ANK2: variants seen among roughly 807,000 people sequenced by gnomAD.
ANK2 encodes the protein ankyrin 2.
A neutral mutation model predicts 360.5 loss-of-function variants in ANK2; 83 were observed. The ratio of observed to expected loss-of-function variants is 0.23; its 90% CI spans 0.19 to 0.28. The LOEUF is 0.28. ANK2 is among the 10% of genes least tolerant of loss of function. The pLI is 1.00. For missense variants in ANK2, 4,201 were observed against 4,795.7 expected, an observed-to-expected ratio of 0.88 and a Z score of 3.66; for synonymous variants, 1,740 against 1,759.5, an observed-to-expected ratio of 0.99 and a Z score of 0.28.
chr4:113,258,268 C>T, intron 12 of ANK2, 45 bp from the exon 13 acceptor site: 1 of 1,599,928 alleles, frequency 6.3e-7, no homozygotes, highest in Non-Finnish European at 8.6e-7. Flanking sequence ...GCCCCAAAGC[C>T]CCACCGGTGC....
chr4:112,737,871 C>T, the ANK2 span, among the ~76,000 whole-genome samples: 1 of 152,120 alleles, frequency 6.6e-6, no homozygotes, highest in Non-Finnish European at 1.5e-5. Flanking sequence ...CACAGGACAA[C>T]TTTAGCTGTA....
At chr4:113,089,948 TA>T (rs2086950267) in intron 1 of ANK2, among the ~76,000 whole-genome samples, 7 of 152,356 alleles carry the variant, frequency 4.6e-5, no homozygotes. Flanking sequence ...TGAAACGTAA[TA>T]ATATGTGGTA....
chr4:112,958,358 G>A (rs1363444866), intron 2 of ANK2, among the ~76,000 whole-genome samples: 1 of 152,216 alleles, frequency 6.6e-6, no homozygotes, highest in African/African-American at 2.4e-5. Context: ...TCGGGAGGCC[G>A]AGGCTGGCGG....
At chr4:112,896,722 G>A (rs955845708) in intron 1 of ANK2, among the ~76,000 whole-genome samples, 1 of 152,148 alleles carries the variant, frequency 6.6e-6, no homozygotes, top group African/African-American at 2.4e-5. Context: ...TAAATGCCAG[G>A]CTCAAACTGC....
intron 2 of ANK2, among the ~76,000 whole-genome samples, chr4:113,177,134 C>A (rs556895239): frequency 6.6e-6 from 1 of 152,134 alleles, no homozygotes; most frequent in South Asian, 2.1e-4. Flanking sequence ...GGCTGGAGTG[C>A]GGTGGCGTGA....
chr4:112,997,390 A>G (rs957126735), intron 2 of ANK2, among the ~76,000 whole-genome samples: 13 of 152,082 alleles, frequency 8.5e-5, no homozygotes, highest in Non-Finnish European at 1.8e-4. Context: ...GATCCCTCTT[A>G]TTTATATTCC....
intron 1 of ANK2, among the ~76,000 whole-genome samples, chr4:112,892,570 C>G (rs1198203707): frequency 6.6e-6 from 1 of 152,212 alleles, no homozygotes; most frequent in Non-Finnish European, 1.5e-5. Flanking sequence ...TGTTTGAAAG[C>G]TCTTTATGAA....
At chr4:113,267,243 TC>T (rs2056547934) in intron 14 of ANK2, among the ~76,000 whole-genome samples, 1 of 152,206 alleles carries the variant, frequency 6.6e-6, no homozygotes, top group African/African-American at 2.4e-5. Context: ...GTACAGAAGC[TC>T]TTTAGTTTAA....
chr4:112,848,152 G>A (rs904577246), intron 1 of ANK2, among the ~76,000 whole-genome samples: 23 of 152,086 alleles, frequency 1.5e-4, no homozygotes, highest in African/African-American at 5.6e-4. Context: ...TTGAGACAGA[G>A]TCTCACTCTG....
chr4:113,142,234 A>AAAC (rs1031364536), intron 1 of ANK2, among the ~76,000 whole-genome samples: 2 of 152,168 alleles, frequency 1.3e-5, no homozygotes, highest in Admixed American at 6.5e-5. Flanking sequence ...ACAAAATGTT[A>AAAC]TGTATATAGG....
Position 113,283,457 on chromosome 4 carries a change from A to AT in ANK2, c.2079+594dup, listed in dbSNP as rs1042439585. ...GTTTGGTGGTGGTGGTGAGAAAATC[A>AT]TTTTTTTTTAATAAAGCACATCAGT... On this transcript the variant is annotated intron_variant, in intron 18 of 45. Transcript: ENST00000357077. 2.4e-4 allele frequency among the ~76,000 whole-genome samples: 37 copies of AT among 151,464 alleles called. 2 individuals are homozygous for AT. In the South Asian group the frequency reaches 7.1e-3, roughly 29 times the overall value.
chr4:113,232,513 T>G (rs557904624), intron 5 of ANK2, among the ~76,000 whole-genome samples: 1 of 152,362 alleles, frequency 6.6e-6, no homozygotes, highest in Admixed American at 6.5e-5. Flanking sequence ...TTCCATCCTC[T>G]GACCTTTTAG....
chr4:113,234,534 A>G (rs527991383), intron 5 of ANK2, among the ~76,000 whole-genome samples: 92 of 152,210 alleles, frequency 6.0e-4, no homozygotes, highest in Non-Finnish European at 1.1e-3. Context: ...TTCGTGCATC[A>G]TTCTGTAAAA....
At chr4:112,791,121 A>C in the ANK2 span, among the ~76,000 whole-genome samples, 1 of 152,234 alleles carries the variant, frequency 6.6e-6, no homozygotes, top group East Asian at 1.9e-4. Flanking sequence ...GGGTGGAGGC[A>C]GCAGGAAGTA....
At position 113,277,861 on chromosome 4, in the gene ANK2, G is replaced by A. The variant is rs2060794992; in HGVS notation, c.1708G>A (p.Ala570Thr). The change falls in exon 16 of 46, where the codon GCA becomes ACA. Residue 570 changes from alanine (A) to threonine (T), a missense_variant. Around this residue, in one of 4 missense-constraint regions of ANK2, gnomAD observed 1,268 missense variants for 1,650.8 expected, o/e 0.77. Transcript: ENST00000357077. ...TKKGFTPLHVAAKYGSLDVAK... is the reference protein window; with the variant it reads ...TKKGFTPLHVTAKYGSLDVAK... ...GAAGGGTTTTACTCCCCTGCATGTA[G>A]CAGCCAAGTATGGAAGCCTGGATGT... 1 of 1,613,934 alleles carries A rather than the reference G, an allele frequency of 6.2e-7. No homozygotes were observed. Among genetic ancestry groups the A allele is most frequent in the Non-Finnish European group, 8.5e-7 (1 of 1,179,822 alleles).
the ANK2 span, among the ~76,000 whole-genome samples, chr4:112,725,382 A>T: frequency 1.0e-5 from 1 of 97,250 alleles, no homozygotes; most frequent in Admixed American, 1.3e-4. Context: ...TTTTTTTGAG[A>T]CAGAGCCTTG....
chr4:113,188,996 T>A (rs1243013561), intron 2 of ANK2, among the ~76,000 whole-genome samples: 1 of 152,218 alleles, frequency 6.6e-6, no homozygotes, highest in Non-Finnish European at 1.5e-5. Flanking sequence ...GCACCTTTTT[T>A]GTGCCAGGTA....
intron 2 of ANK2, among the ~76,000 whole-genome samples, chr4:112,939,187 T>A (rs1445037899): frequency 6.6e-6 from 1 of 152,230 alleles, no homozygotes; most frequent in African/African-American, 2.4e-5. Flanking sequence ...TCATGGCTAT[T>A]TTGTTAAGTT....
At chr4:112,959,463 G>A (rs1421337345) in intron 2 of ANK2, among the ~76,000 whole-genome samples, 1 of 152,148 alleles carries the variant, frequency 6.6e-6, no homozygotes, top group African/African-American at 2.4e-5. Context: ...TTTAAAATTT[G>A]TGATGCTTTA....
Sources: allele counts gnomAD v4.1 joint callset (sites outside exome capture counted in the v4.1 genomes callset), GRCh38; gene constraint gnomAD v4.1.1; regional missense constraint gnomAD v4.1.1; transcripts MANE v1.5; gene names NCBI Gene and HGNC (gene_info 2026-07-23, HGNC 2026-07-21).